Variants in A2ML1 observed in about 807,000 individuals in gnomAD.
A2ML1 encodes the protein alpha-2-macroglobulin-like protein 1.
A2ML1 carries 161 observed loss-of-function variants against 181.9 expected under a neutral mutation model. That is an observed-to-expected ratio of 0.89 (90% confidence interval 0.78 to 1.01). A2ML1 has a LOEUF of 1.01. A2ML1 is among the 50% of genes least tolerant of loss of function. The probability of loss-of-function intolerance (pLI) is 0.00; values close to 1 mark genes in which losing one functional copy is unlikely to be tolerated. For missense variants in A2ML1, 1,670 were observed against 1,768.1 expected, an observed-to-expected ratio of 0.94 and a Z score of 1.00; for synonymous variants, 663 against 666.8, an observed-to-expected ratio of 0.99 and a Z score of 0.09.
intron 11 of A2ML1, among the ~76,000 whole-genome samples, chr12:8,842,924 G>A (rs763783860): frequency 2.0e-5 from 3 of 152,122 alleles, no homozygotes; most frequent in Admixed American, 1.3e-4. Context: ...CCCTTCTGTC[G>A]CTCTCCTACA....
At position 8,838,340 on chromosome 12, in the gene A2ML1, A is replaced by G. The variant is rs1274281004; in HGVS notation, c.860A>G (p.Asp287Gly). The change falls in exon 9 of 36, where the codon GAC becomes GGC. Residue 287 changes from aspartate (D) to glycine (G), a missense_variant. Asp to Gly is a moderately conservative substitution (Grantham distance 94). Transcript: ENST00000299698. ...DKCRNLSGQT[D>G]KTGCFSAPVD... ...TGTCTCTGATCACCTCACTAGACTG[A>G]CAAAACAGGATGTTTCTCAGCACCT... is the stretch of plus-strand genomic sequence containing the variant. The G allele has an allele frequency of 7.4e-6, 12 of 1,612,766 alleles. No homozygotes were observed. The highest frequency in any genetic ancestry group is 1.0e-5 in the Non-Finnish European group (12 of 1,179,124).
intron 26 of A2ML1, among the ~76,000 whole-genome samples, chr12:8,858,679 G>A (rs764985538): frequency 2.6e-5 from 4 of 152,254 alleles, no homozygotes; most frequent in Admixed American, 6.5e-5. Context: ...TGTTGGAAAC[G>A]CAGATTCTGA....
chr12:8,860,748 A>C, intron 26 of A2ML1, 133 bp from the exon 27 acceptor site: 2 of 768,972 alleles, frequency 2.6e-6, no homozygotes, highest in Non-Finnish European at 4.2e-6. Context: ...CCTGTGGAAA[A>C]AAGAGCTTTC....
At chr12:8,858,164 C>T (rs996903173) in intron 26 of A2ML1, 62 bp downstream of exon 26, 14 of 1,542,706 alleles carry the variant, frequency 9.1e-6, no homozygotes, top group Admixed American at 4.1e-5. Flanking sequence ...CACCTCTGAC[C>T]GAGTAGAAGC....
At position 8,835,579 on chromosome 12, in the gene A2ML1, C is replaced by T. The variant is rs1212793802; in HGVS notation, c.556C>T (p.Gln186Ter). 6.2e-7 allele frequency: 1 copy of T among 1,614,066 alleles called. No homozygotes were observed. The highest frequency in any genetic ancestry group is 1.3e-5 in the African/African-American group (1 of 74,918). ...GCAAGGCATTGTAGACCTGTCCTTC[C>T]AACTGGCACCAGAGGCAATGCTGGG... ...PEQGIVDLSF[Q>*]LAPEAMLGTY... is the part of the protein sequence containing the mutation. Residue 186 changes from glutamine to a stop codon, truncating the protein, a stop_gained, in exon 6 of 36, where the codon CAA (glutamine) becomes TAA (stop). Coordinates refer to ENST00000299698, the MANE Select transcript of A2ML1 (RefSeq NM_144670.6). LOFTEE classifies it high-confidence loss of function.
rs1943323963 is a variant in A2ML1, at chr12:8,837,525, CG to C, written c.817del (p.Glu273AsnfsTer70). 1 of 1,613,698 alleles carries C rather than the reference CG, an allele frequency of 6.2e-7. No individual in the cohort carries two copies. Among genetic ancestry groups the C allele is most frequent in the Non-Finnish European group, 8.5e-7 (1 of 1,179,890 alleles). On this transcript the variant is annotated frameshift_variant, in exon 8 of 36. Coordinates refer to ENST00000299698, the MANE Select transcript of A2ML1 (RefSeq NM_144670.6). LOFTEE classifies it high-confidence loss of function. ...ANTYWYREVE[R>X]EQLPDKCRNL... Reference sequence around the variant, plus strand: ...TACTTACTGGTATCGAGAGGTGGAACGGGAACAGCTTCCTGACAAATGCAGG... The same window carrying C: ...TACTTACTGGTATCGAGAGGTGGAACGGAACAGCTTCCTGACAAATGCAGG...
chr12:8,859,308 T>C (rs1944177717), intron 26 of A2ML1, among the ~76,000 whole-genome samples: 1 of 152,116 alleles, frequency 6.6e-6, no homozygotes, highest in Non-Finnish European at 1.5e-5. Flanking sequence ...AAAAAATCTA[T>C]TTATAGGATT....
At chr12:8,882,325 C>T (rs977907876) in intron 7 of A2ML1, among the ~76,000 whole-genome samples, 1 of 152,116 alleles carries the variant, frequency 6.6e-6, no homozygotes, top group African/African-American at 2.4e-5. Flanking sequence ...CTTCTCCTAC[C>T]TCCCCCTTGA....
In A2ML1 at chr12:8,857,186, G is replaced by A. The variant is rs777118635; in HGVS notation, c.2871G>A (p.Leu957=). The A allele has an allele frequency of 6.2e-7, 1 of 1,612,498 alleles. No individual in the cohort carries two copies. The highest frequency in any genetic ancestry group is 8.5e-7 in the Non-Finnish European group (1 of 1,179,994). ...CAGGAGACATTATGGGCACAGCCCT[G>A]CAGAACCTGGATGGTCTGGTGCAGA... ...TVLGDIMGTA[L]QNLDGLVQMP... Residue 957 remains leucine, a synonymous_variant, in exon 24 of 36, where the codon CTG becomes CTA. Coordinates refer to ENST00000299698, the MANE Select transcript of A2ML1 (RefSeq NM_144670.6).
chr12:8,828,971 C>T (rs1305366132), intron 3 of A2ML1, among the ~76,000 whole-genome samples: 3 of 152,214 alleles, frequency 2.0e-5, no homozygotes, highest in African/African-American at 4.8e-5. Context: ...TGTGCTCTCC[C>T]GCCCTCAAGC....
chr12:8,881,948 T>G (rs1468150762), intron 7 of A2ML1, among the ~76,000 whole-genome samples: 1 of 151,806 alleles, frequency 6.6e-6, no homozygotes, highest in East Asian at 1.9e-4. Context: ...GAGGTGGAGC[T>G]TGCAGTGAGC....
rs183886234 is a variant in A2ML1 at position 8,881,898 on chromosome 12, C to T, written c.*94+1282C>T. Among the ~76,000 whole-genome samples the T allele has an allele frequency of 2.7e-4, 41 of 152,054 alleles. 1 individual carries two copies. Among genetic ancestry groups the T allele is most frequent in the Middle Eastern group, 6.8e-3 (2 of 294 alleles). On this transcript the variant is annotated intron_variant and NMD_transcript_variant, in intron 7 of 7. Transcript: ENST00000537475. ...TGGTGGTGGGTGCCTGTAGTCCCAG[C>T]TACTCGGGAGGCTGAGGCAGGAGAA...
intron 29 of A2ML1, among the ~76,000 whole-genome samples, chr12:8,865,959 T>A (rs895288809): frequency 6.6e-6 from 1 of 152,190 alleles, no homozygotes. Context: ...AGATATAACA[T>A]GTAAATCAGA....
At chr12:8,835,709 C>T (rs375269183) in intron 6 of A2ML1, 43 bp downstream of exon 6, 12 of 1,608,382 alleles carry the variant, frequency 7.5e-6, no homozygotes, top group Non-Finnish European at 1.0e-5. Context: ...GGCATAATCT[C>T]ATCTTAAAAT....
intron 23 of A2ML1, 130 bp downstream of exon 23, chr12:8,855,722 G>T (rs1468711): frequency 2.6e-6 from 2 of 782,602 alleles, no homozygotes; most frequent in Non-Finnish European, 2.1e-6. Context: ...GAAAAAGAGC[G>T]TATTTTATAT....
chr12:8,857,678 C>A, intron 25 of A2ML1, 90 bp downstream of exon 25: 1 of 1,412,068 alleles, frequency 7.1e-7, no homozygotes, highest in Non-Finnish European at 9.8e-7. Context: ...CCCCTTAACC[C>A]CTTTCCTTCT....
chr12:8,884,241 G>GTT (rs1289302391), intron 7 of A2ML1, among the ~76,000 whole-genome samples: 26 of 109,004 alleles, frequency 2.4e-4, no homozygotes, highest in East Asian at 1.1e-3. Context: ...GTTTTTTTTT[G>GTT]TTTTGTTTTT....
At chr12:8,854,698 G>T (rs952740610) in intron 21 of A2ML1, 82 bp from the exon 22 acceptor site, 1 of 1,494,424 alleles carries the variant, frequency 6.7e-7, no homozygotes. Context: ...GCACAGCGAG[G>T]GGCCTCCCTT....
Position 8,860,927 on chromosome 12 carries a change from C to A in A2ML1, c.3311C>A (p.Ala1104Glu). The A allele has an allele frequency of 6.2e-7, 1 of 1,614,062 alleles. No homozygotes were observed. The highest frequency in any genetic ancestry group is 8.5e-7 in the Non-Finnish European group (1 of 1,180,018). The change falls in exon 27 of 36, where the codon GCA becomes GAA. Residue 1104 changes from alanine to glutamate, a missense_variant. Transcript: ENST00000299698. ...TCCTTGACTGCGTATGTCACAGCTG[C>A]ATTGCTGGAGATGGGAAAGGATGTA... ...EVSLTAYVTA[A>E]LLEMGKDVDD... is the part of the protein sequence containing the mutation.
Sources: gnomAD v4.1 joint callset for allele counts (sites outside exome capture counted in the v4.1 genomes callset) on GRCh38, gnomAD v4.1.1 for gene constraint, MANE v1.5 for transcripts, NCBI Gene and HGNC (gene_info 2026-07-23, HGNC 2026-07-21) for gene names.